ELSPBP1: variants seen among roughly 807,000 people sequenced by gnomAD.
The protein encoded by ELSPBP1 is epididymal sperm-binding protein 1.
ELSPBP1 carries 38 observed loss-of-function variants against 33.3 expected under a neutral mutation model. The observed-to-expected ratio is 1.14, with a 90% confidence interval of 0.88 to 1.50. The LOEUF (loss-of-function observed/expected upper bound fraction) is 1.50, where lower values mean the gene tolerates loss of function less well. Ranked by LOEUF, ELSPBP1 falls within the 40% of genes most tolerant of loss-of-function variation. The pLI, the probability that ELSPBP1 is intolerant of heterozygous loss-of-function variation, is 0.00. For missense variants in ELSPBP1, 267 were observed against 263.5 expected, an observed-to-expected ratio of 1.01 and a Z score of -0.09; for synonymous variants, 85 against 94.1, an observed-to-expected ratio of 0.90 and a Z score of 0.56.
intron 4 of ELSPBP1, among the ~76,000 whole-genome samples, chr19:48,019,510 A>G (rs1324172597): frequency 6.6e-6 from 1 of 152,190 alleles, no homozygotes; most frequent in Non-Finnish European, 1.5e-5. Context: ...AAGTCGTGTT[A>G]ATAGAGACAG....
chr19:48,005,507 G>A (rs1967009083), intron 1 of ELSPBP1, among the ~76,000 whole-genome samples: 1 of 152,100 alleles, frequency 6.6e-6, no homozygotes, highest in Non-Finnish European at 1.5e-5. Context: ...ATTAAATGAA[G>A]TAACATGGGG....
chr19:48,022,414 A>T, intron 6 of ELSPBP1, 80 bp downstream of exon 6: 1 of 1,279,010 alleles, frequency 7.8e-7, no homozygotes. Flanking sequence ...ACTGATGCGA[A>T]GGCGAGATCT....
chr19:48,011,819 A>G lies in ELSPBP1; in HGVS notation c.71-2352A>G, dbSNP rs68015206. ...ACAATGATAATCATAGCTAATATTT[A>G]TTAAGCAGCAGCCATGCTCCAGGTA... On this transcript the variant is annotated intron_variant, in intron 2 of 6. Coordinates refer to ENST00000339841, the MANE Select transcript of ELSPBP1 (RefSeq NM_022142.5). This position sits in a 1 kb window ranked among gnomAD's most constrained non-coding sequence, Gnocchi z 4.5. Among the ~76,000 whole-genome samples the G allele has an allele frequency of 0.17, 25,380 of 152,088 alleles. 2,162 individuals carry two copies. Among genetic ancestry groups the G allele is most frequent in the South Asian group, 0.23 (1,093 of 4,818 alleles).
chr19:48,015,938 A>G lies in ELSPBP1; in HGVS notation c.254A>G (p.Tyr85Cys), dbSNP rs1967126889. 6.2e-7 allele frequency: 1 copy of G among 1,613,840 alleles called. No individual in the cohort carries two copies. The highest frequency in any genetic ancestry group is 1.3e-5 in the African/African-American group (1 of 74,944). ...IFPFIYRGKA[Y>C]NSCISQGSFL... ...CCTTTCATCTATCGAGGAAAGGCTT[A>G]TAACAGCTGCATCTCCCAGGGCAGC... The change falls in exon 4 of 7, where the codon TAT becomes TGT. Residue 85 changes from tyrosine to cysteine, a missense_variant. Tyr to Cys is a radical substitution (Grantham distance 194). Transcript: ENST00000339841.
At chr19:48,006,621 C>CAAAAAAAAAAAAAAA (rs1190341508) in intron 1 of ELSPBP1, among the ~76,000 whole-genome samples, 45 of 20,786 alleles carry the variant, frequency 2.2e-3, no homozygotes, top group East Asian at 5.0e-3. Flanking sequence ...GACCCTGTCT[C>CAAAAAAAAAAAAAAA]AAAAAAAAAA....
chr19:48,007,224 A>T (rs995949470), intron 1 of ELSPBP1, among the ~76,000 whole-genome samples: 9 of 152,312 alleles, frequency 5.9e-5, no homozygotes, highest in Admixed American at 2.6e-4. Context: ...CATTCTGCAG[A>T]TGAGGAAACA....
chr19:48,020,585 T>C (rs1967188366), intron 5 of ELSPBP1, among the ~76,000 whole-genome samples: 1 of 152,134 alleles, frequency 6.6e-6, no homozygotes, highest in Non-Finnish European at 1.5e-5. Flanking sequence ...GTTGACGCAT[T>C]TGCACCTGTG....
At chr19:48,016,523 TCTTTCTTCCTTCCTTC>T (rs1273142578) in intron 4 of ELSPBP1, among the ~76,000 whole-genome samples, 5 of 66,014 alleles carry the variant, frequency 7.6e-5, no homozygotes, top group African/African-American at 2.1e-4. Flanking sequence ...TTTCTTTCTT[TCTTTCTTCCTTCCTTC>T]CTTCCTTCCT....
chr19:48,004,385 T>A (rs1353895594), intron 1 of ELSPBP1, among the ~76,000 whole-genome samples: 1 of 152,072 alleles, frequency 6.6e-6, no homozygotes, highest in Non-Finnish European at 1.5e-5. Context: ...CTCAAACTCC[T>A]AAGCTTAAGC....
At chr19:48,010,712 C>A (rs973843236) in intron 2 of ELSPBP1, among the ~76,000 whole-genome samples, 1 of 146,196 alleles carries the variant, frequency 6.8e-6, no homozygotes, top group African/African-American at 2.6e-5. Flanking sequence ...GGACCAAAAT[C>A]TCAAAGACGA....
intron 2 of ELSPBP1, among the ~76,000 whole-genome samples, chr19:48,013,716 CA>C (rs35241354): frequency 1.3e-3 from 169 of 135,034 alleles, no homozygotes; most frequent in Middle Eastern, 3.7e-3. Flanking sequence ...GACTTCATCT[CA>C]AAAAAAAAAA....
rs1967078168 is a variant in ELSPBP1 at position 48,011,457 on chromosome 19, TGAC to T, written c.71-2713_71-2711del. Among the ~76,000 whole-genome samples the T allele has an allele frequency of 6.6e-6, 1 of 151,126 alleles. No individual in the cohort carries two copies. ...ATGATCACGATGACAGTGATGATGA[TGAC>T]AATGACAATAATGAGGTTGATGATA... On this transcript the variant is annotated intron_variant, in intron 2 of 6. Coordinates refer to ENST00000339841, the MANE Select transcript of ELSPBP1 (RefSeq NM_022142.5). This position sits in a 1 kb window ranked among gnomAD's most constrained non-coding sequence, Gnocchi z 4.5.
At chr19:48,024,197 C>A (rs1967246325) in intron 6 of ELSPBP1, among the ~76,000 whole-genome samples, 1 of 151,986 alleles carries the variant, frequency 6.6e-6, no homozygotes, top group Non-Finnish European at 1.5e-5. Context: ...CCCTCCTTTT[C>A]TTCTAGTCTT....
chr19:48,016,004 A>C lies in ELSPBP1; in HGVS notation c.320A>C (p.Asp107Ala), dbSNP rs780537289. ...TGGTGCTCAGTCACCTCTGTCTTCGATGAGAAACAGCAGTGGAAATTCTGT... is the reference window on the plus strand; with the variant it reads ...TGGTGCTCAGTCACCTCTGTCTTCGCTGAGAAACAGCAGTGGAAATTCTGT... ...SLWCSVTSVF[D>A]EKQQWKFCET... Residue 107 changes from aspartate (D) to alanine (A), a missense_variant, in exon 4 of 7, where the codon GAT becomes GCT. Coordinates refer to ENST00000339841, the MANE Select transcript of ELSPBP1 (RefSeq NM_022142.5). 2 of 1,613,904 alleles carry C rather than the reference A, an allele frequency of 1.2e-6. No homozygotes were observed. Among genetic ancestry groups the C allele is most frequent in the South Asian group, 2.2e-5 (2 of 91,062 alleles).
chr19:48,000,927 C>A (rs944320901), intron 1 of ELSPBP1, among the ~76,000 whole-genome samples: 1 of 152,220 alleles, frequency 6.6e-6, no homozygotes, highest in Non-Finnish European at 1.5e-5. Flanking sequence ...CAAATCCCCA[C>A]ACACCTAACC....
rs117059333 is a variant in ELSPBP1, at chr19:48,008,472, C to T, written c.-17-179C>T. Among the ~76,000 whole-genome samples, 32 of 152,182 alleles carry T rather than the reference C, an allele frequency of 2.1e-4. 1 individual carries two copies. The East Asian group carries it at 4.4e-3, about 21-fold the overall frequency. ...CTGGTCTTGAACTTCTGGCTTTAAG[C>T]GATCCTTTGTCTTGGTCTCCCAAAA... On this transcript the variant is annotated intron_variant, in intron 1 of 6. Coordinates refer to ENST00000339841, the MANE Select transcript of ELSPBP1 (RefSeq NM_022142.5).
chr19:48,018,215 C>T (rs970462601), intron 4 of ELSPBP1, among the ~76,000 whole-genome samples: 20 of 152,214 alleles, frequency 1.3e-4, no homozygotes, highest in African/African-American at 4.8e-4. Context: ...TCATCATCAA[C>T]TTGACTCTAC....
chr19:47,997,197 T>C (rs1383620763), intron 1 of ELSPBP1, among the ~76,000 whole-genome samples: 1 of 152,212 alleles, frequency 6.6e-6, no homozygotes, highest in Non-Finnish European at 1.5e-5. Context: ...GTTCAATAAA[T>C]TTGGTAAGTC....
chr19:47,999,190 A>AT (rs367966057), intron 1 of ELSPBP1, among the ~76,000 whole-genome samples: 11 of 151,640 alleles, frequency 7.3e-5, no homozygotes, highest in Admixed American at 3.3e-4. Context: ...CCTGTTTATT[A>AT]TTTTTTTTCA....
Sources: gnomAD v4.1 joint callset for allele counts (sites outside exome capture counted in the v4.1 genomes callset) on GRCh38, gnomAD v4.1.1 for gene constraint, Gnocchi (gnomAD v3.1) non-coding constraint, MANE v1.5 for transcripts, NCBI Gene and HGNC (gene_info 2026-07-23, HGNC 2026-07-21) for gene names.